Variants in FBRSL1 observed in about 807,000 individuals in gnomAD.
FBRSL1 encodes fibrosin-1-like protein.
In FBRSL1, 51 loss-of-function variants were observed where a neutral mutation model predicts 89.6. The observed-to-expected ratio is 0.57, with a 90% CI of 0.45 to 0.72. The LOEUF (loss-of-function observed/expected upper bound fraction) is 0.72, where lower values mean the gene tolerates loss of function less well. Among genes scored for constraint, FBRSL1 ranks in the 30% least tolerant of loss-of-function variants. The probability of loss-of-function intolerance (pLI) is 0.00; values close to 1 mark genes in which losing one functional copy is unlikely to be tolerated. For synonymous variants in FBRSL1, 779 were observed against 681.1 expected, an observed-to-expected ratio of 1.14 and a Z score of -2.24; for missense variants, 1,618 against 1,451.8, an observed-to-expected ratio of 1.11 and a Z score of -1.86.
intron 9 of FBRSL1, chr12:132,571,764 G>C (rs762005586): frequency 1.1e-5 from 4 of 348,124 alleles, no homozygotes; most frequent in African/African-American, 8.8e-5. Context: ...CCGTGCCCAC[G>C]TGCATGGGAC....
intron 6 of FBRSL1, among the ~76,000 whole-genome samples, chr12:132,568,802 T>A (rs967440288): frequency 6.6e-6 from 1 of 152,024 alleles, no homozygotes; most frequent in African/African-American, 2.4e-5. Flanking sequence ...GCGCAGCCTC[T>A]CTGTGGTCGC....
At chr12:132,541,102 A>G (rs140691423) in intron 4 of FBRSL1, among the ~76,000 whole-genome samples, 1,948 of 146,702 alleles carry the variant, frequency 0.013, 45 homozygotes, top group African/African-American at 0.047. Flanking sequence ...TGGGGGGCAC[A>G]GCCTCCCACC....
chr12:132,521,141 T>G (rs2035314373), intron 2 of FBRSL1, among the ~76,000 whole-genome samples: 1 of 151,926 alleles, frequency 6.6e-6, no homozygotes, highest in Non-Finnish European at 1.5e-5. Context: ...GGCCCAGGAG[T>G]CCTGAAAGCT....
chr12:132,559,543 C>T (rs543143705), intron 5 of FBRSL1, among the ~76,000 whole-genome samples: 1 of 152,280 alleles, frequency 6.6e-6, no homozygotes, highest in Admixed American at 6.5e-5. Flanking sequence ...AGGCGCGTGC[C>T]GCCACCTCCG....
At chr12:132,570,680 C>A (rs555739044) in intron 8 of FBRSL1, 140 bp downstream of exon 8, 1 of 771,084 alleles carries the variant, frequency 1.3e-6, no homozygotes, top group South Asian at 2.1e-5. Flanking sequence ...GTGGTTCCCC[C>A]AGGTGTGCCT....
At chr12:132,580,710 G>C (rs2040686556) in intron 15 of FBRSL1, 1 of 933,020 alleles carries the variant, frequency 1.1e-6, no homozygotes, top group Non-Finnish European at 1.3e-6. Context: ...TGGGAGGCAT[G>C]AGCACCCCAT....
In FBRSL1 at chr12:132,570,528, G is replaced by C. The variant is rs1266124098; in HGVS notation, c.1201G>C (p.Gly401Arg). ...ALPASSLVLP[G>R]HPADASLAVS... ...GCCGGCCAGCAGCCTGGTCCTCCCAGGACACCCGGCCGGTAGGTGTCTCGG... is the reference window on the plus strand; with the variant it reads ...GCCGGCCAGCAGCCTGGTCCTCCCACGACACCCGGCCGGTAGGTGTCTCGG... The change falls in exon 8 of 19, where the codon GGA (glycine) becomes CGA (arginine). Residue 401 changes from glycine (G) to arginine (R), a missense_variant. By Grantham distance (125) the Gly-to-Arg change is moderately radical. Transcript: ENST00000680143. 1 of 1,515,604 alleles carries C rather than the reference G, an allele frequency of 6.6e-7. No homozygotes were observed. The highest frequency in any genetic ancestry group is 2.5e-5 in the East Asian group (1 of 40,096). The allele number at this position is 1,515,604 out of a possible 1,614,324, so 93.9% of individuals were successfully genotyped here.
intron 14 of FBRSL1, among the ~76,000 whole-genome samples, chr12:132,575,277 G>A (rs983482448): frequency 1.3e-5 from 2 of 152,228 alleles, no homozygotes; most frequent in Non-Finnish European, 2.9e-5. Context: ...GCCCAGGCTG[G>A]AGTGCAGTGG....
chr12:132,574,965 T>C (rs2040283775), intron 14 of FBRSL1, among the ~76,000 whole-genome samples: 1 of 151,860 alleles, frequency 6.6e-6, no homozygotes. Context: ...CCGTGAGTGC[T>C]CACAACTGAT....
At chr12:132,502,384 A>G (rs1270447999) in intron 1 of FBRSL1, among the ~76,000 whole-genome samples, 1 of 152,206 alleles carries the variant, frequency 6.6e-6, no homozygotes, top group Non-Finnish European at 1.5e-5. Context: ...ACCCAGAGGA[A>G]TCCTGCGGAA....
chr12:132,532,247 G>A (rs955319593), intron 4 of FBRSL1, among the ~76,000 whole-genome samples: 4 of 152,074 alleles, frequency 2.6e-5, no homozygotes, highest in South Asian at 2.1e-4. Context: ...CCCTGCACAC[G>A]GCATTTAGTT....
At chr12:132,580,981 G>T (rs754419675) in intron 15 of FBRSL1, 4 of 985,488 alleles carry the variant, frequency 4.1e-6, no homozygotes, top group Non-Finnish European at 3.6e-6. Context: ...GCCACAAGGG[G>T]CTGCCATGTG....
chr12:132,533,757 C>A (rs1050563579), intron 4 of FBRSL1, among the ~76,000 whole-genome samples: 1 of 152,262 alleles, frequency 6.6e-6, no homozygotes, highest in Non-Finnish European at 1.5e-5. Flanking sequence ...GGGCTCCATG[C>A]CAGGCACTGG....
intron 1 of FBRSL1, 59 bp from the exon 2 acceptor site, chr12:132,508,094 C>G: frequency 6.9e-7 from 1 of 1,458,312 alleles, no homozygotes; most frequent in Non-Finnish European, 9.3e-7. Context: ...TGGGTGCTGT[C>G]CTGGGCCCAA....
intron 4 of FBRSL1, among the ~76,000 whole-genome samples, chr12:132,531,292 G>T (rs376862283): frequency 6.6e-6 from 1 of 152,168 alleles, no homozygotes; most frequent in Non-Finnish European, 1.5e-5. Context: ...ACCCACTAGT[G>T]GGGGTTTGGG....
At chr12:132,574,604 G>A (rs1292810812) in intron 14 of FBRSL1, 40 bp downstream of exon 14, 14 of 1,538,784 alleles carry the variant, frequency 9.1e-6, no homozygotes, top group South Asian at 6.1e-5. Flanking sequence ...TTGTGAACCC[G>A]ACTCCAGCCT....
In FBRSL1 at chr12:132,536,664, C is replaced by G. The variant is rs549184156; in HGVS notation, c.615+8676C>G. ...GAGTGCACGTGTACATGACCTCATG[C>G]CATGTGTACATGACGTGTGAGTGCA... is the stretch of plus-strand genomic sequence containing the variant. On this transcript the variant is annotated intron_variant, in intron 4 of 18. Coordinates refer to ENST00000680143, the MANE Select transcript of FBRSL1 (RefSeq NM_001367871.1). Among the ~76,000 whole-genome samples, 1,250 of 148,804 alleles carry G rather than the reference C, an allele frequency of 8.4e-3. 29 individuals are homozygous for G. The highest frequency in any genetic ancestry group is 0.046 in the Admixed American group (692 of 15,044).
chr12:132,528,147 G>C (rs1241108936), intron 4 of FBRSL1, among the ~76,000 whole-genome samples, 159 bp downstream of exon 4: 1 of 152,140 alleles, frequency 6.6e-6, no homozygotes, highest in South Asian at 2.1e-4. Flanking sequence ...AACACCATGG[G>C]GTTGGTGGGG....
intron 5 of FBRSL1, among the ~76,000 whole-genome samples, chr12:132,557,610 G>C (rs879891823): frequency 6.6e-5 from 10 of 152,234 alleles, no homozygotes; most frequent in Admixed American, 6.5e-4. Flanking sequence ...GGGGTTGGAA[G>C]CCTCGTTTGT....
Sources: gnomAD v4.1 joint callset for allele counts (sites outside exome capture counted in the v4.1 genomes callset) on GRCh38, gnomAD v4.1.1 for gene constraint, MANE v1.5 for transcripts, NCBI Gene and HGNC (gene_info 2026-07-23, HGNC 2026-07-21) for gene names.